The following LMX1B variants were observed in gnomAD, a reference collection of about 807,000 sequenced individuals.
The protein encoded by LMX1B is LIM homeobox transcription factor 1 beta.
A neutral mutation model predicts 51.4 loss-of-function variants in LMX1B; 12 were observed. The ratio of observed to expected loss-of-function variants is 0.23; its 90% confidence interval spans 0.15 to 0.38. The LOEUF (loss-of-function observed/expected upper bound fraction) is 0.38, where lower values mean the gene tolerates loss of function less well. LMX1B is among the 10% of genes least tolerant of loss of function. The probability of loss-of-function intolerance (pLI) is 1.00; values close to 1 mark genes in which losing one functional copy is unlikely to be tolerated. For missense variants in LMX1B, 445 were observed against 571.1 expected, an observed-to-expected ratio of 0.78 and a Z score of 2.25; for synonymous variants, 237 against 235.4, an observed-to-expected ratio of 1.01 and a Z score of -0.06.
intron 6 of LMX1B, among the ~76,000 whole-genome samples, chr9:126,694,910 C>T (rs1038017093): frequency 1.3e-5 from 2 of 152,106 alleles, no homozygotes; most frequent in Non-Finnish European, 2.9e-5. Context: ...CAACCCATGC[C>T]GTATGCTCCA....
chr9:126,672,235 A>G (rs1287828071), intron 2 of LMX1B, among the ~76,000 whole-genome samples: 13 of 152,216 alleles, frequency 8.5e-5, no homozygotes, highest in Non-Finnish European at 1.5e-5. Flanking sequence ...GAATGGGATC[A>G]TGAGTTACAG....
rs146129027 is a variant in LMX1B, at chr9:126,630,649, C to T, written c.326+15080C>T. On this transcript the variant is annotated intron_variant, in intron 2 of 7. Transcript: ENST00000373474. ...TCAGAGAGAGGCTCTGAATCATCAT[C>T]TTCGTCCTCAGTGTTGTCAGCTTTA... 2.0e-3 allele frequency among the ~76,000 whole-genome samples: 309 copies of T among 152,358 alleles called. 2 individuals carry two copies. Among genetic ancestry groups the T allele is most frequent in the African/African-American group, 7.2e-3 (299 of 41,586 alleles).
intron 1 of LMX1B, among the ~76,000 whole-genome samples, chr9:126,614,958 C>T (rs1761221004): frequency 6.6e-6 from 1 of 152,172 alleles, no homozygotes; most frequent in African/African-American, 2.4e-5. Flanking sequence ...AAACGTCTCC[C>T]TGGTCACTCA....
chr9:126,670,731 T>C (rs1427731953), intron 2 of LMX1B, among the ~76,000 whole-genome samples: 1 of 152,204 alleles, frequency 6.6e-6, no homozygotes, highest in Non-Finnish European at 1.5e-5. Context: ...CTCACCCTCT[T>C]GGATAGGTTC....
intron 2 of LMX1B, among the ~76,000 whole-genome samples, chr9:126,664,790 G>A (rs534889241): frequency 7.2e-5 from 11 of 152,296 alleles, no homozygotes; most frequent in African/African-American, 1.4e-4. Context: ...CAGGAGAATC[G>A]CTTGAACCTG....
chr9:126,672,387 A>G (rs929762186), intron 2 of LMX1B, among the ~76,000 whole-genome samples: 5 of 152,250 alleles, frequency 3.3e-5, no homozygotes, highest in Non-Finnish European at 7.3e-5. Flanking sequence ...CACACACTGT[A>G]GAGAGCTGTC....
intron 2 of LMX1B, among the ~76,000 whole-genome samples, chr9:126,631,543 C>G: frequency 6.6e-6 from 1 of 151,684 alleles, no homozygotes. Flanking sequence ...ATCCTGCCCA[C>G]AGAGAGCTCC....
At chr9:126,617,985 G>T (rs1233139957) in intron 2 of LMX1B, among the ~76,000 whole-genome samples, 1 of 151,018 alleles carries the variant, frequency 6.6e-6, no homozygotes, top group East Asian at 1.9e-4. Context: ...ATGGAGCGCC[G>T]CTCCAGGCAG....
chr9:126,669,604 C>T (rs1836412802), intron 2 of LMX1B, among the ~76,000 whole-genome samples: 1 of 152,118 alleles, frequency 6.6e-6, no homozygotes, highest in Admixed American at 6.5e-5. Context: ...TATACCTGGG[C>T]TTTTGTGCTC....
intron 3 of LMX1B, among the ~76,000 whole-genome samples, chr9:126,692,047 G>A (rs1389133823): frequency 6.6e-6 from 1 of 152,226 alleles, no homozygotes; most frequent in Non-Finnish European, 1.5e-5. Context: ...GAGAGGAGGT[G>A]TCCCGGTCTG....
chr9:126,632,155 G>C (rs1835646414), intron 2 of LMX1B, among the ~76,000 whole-genome samples: 1 of 152,216 alleles, frequency 6.6e-6, no homozygotes, highest in Admixed American at 6.5e-5. Flanking sequence ...TCCAGGTTGT[G>C]GGGAGAGCGA....
In LMX1B at chr9:126,695,804, C is replaced by T. The variant is rs2030305039; in HGVS notation, c.887-35C>T. 1 of 1,609,982 alleles carries T rather than the reference C, an allele frequency of 6.2e-7. No homozygotes were observed. The highest frequency in any genetic ancestry group is 8.5e-7 in the Non-Finnish European group (1 of 1,178,310). On this transcript the variant is annotated intron_variant, in intron 6 of 7. Coordinates refer to ENST00000373474, the MANE Select transcript of LMX1B (RefSeq NM_001174147.2). This position sits in a 1 kb window ranked among gnomAD's most constrained non-coding sequence, Gnocchi z 5.2. ...TGGGGTGTAGCTGGGAGGGCGTGGA[C>T]CAGGCCAGGGGGTGAAGGCTCACTG...
chr9:126,674,180 G>A (rs984095843), intron 2 of LMX1B, among the ~76,000 whole-genome samples: 1 of 152,158 alleles, frequency 6.6e-6, no homozygotes, highest in African/African-American at 2.4e-5. Context: ...CCCCGCACCA[G>A]GGAGCCAAGG....
At chr9:126,624,996 A>G (rs987154247) in intron 2 of LMX1B, among the ~76,000 whole-genome samples, 15 of 152,222 alleles carry the variant, frequency 9.9e-5, no homozygotes, top group Admixed American at 8.5e-4. Flanking sequence ...ACAAGTACCT[A>G]GGATGGTGCT....
At chr9:126,646,538 G>A (rs1244798611) in intron 2 of LMX1B, among the ~76,000 whole-genome samples, 1 of 152,184 alleles carries the variant, frequency 6.6e-6, no homozygotes, top group South Asian at 2.1e-4. Flanking sequence ...ACCTGCCCTC[G>A]GGGGCCCACA....
At chr9:126,675,342 G>A (rs1836534774) in intron 2 of LMX1B, among the ~76,000 whole-genome samples, 1 of 152,202 alleles carries the variant, frequency 6.6e-6, no homozygotes, top group African/African-American at 2.4e-5. Flanking sequence ...GGTAGAGGAG[G>A]ATGCAGAGAA....
In LMX1B at chr9:126,696,457, A is replaced by G. The variant is rs767371048; in HGVS notation, c.*6A>G. The stretch of plus-strand genomic sequence containing the variant: ...GTTCCTACTTCGCCTCCTGAGAGCC[A>G]GCCAGGCGCACGGACGCTTGGGCAG... On this transcript the variant is annotated 3_prime_UTR_variant, in exon 8 of 8. Coordinates refer to ENST00000373474, the MANE Select transcript of LMX1B (RefSeq NM_001174147.2). The G allele has an allele frequency of 6.2e-7, 1 of 1,613,712 alleles. No individual in the cohort carries two copies. The highest frequency in any genetic ancestry group is 8.5e-7 in the Non-Finnish European group (1 of 1,179,872).
Position 126,693,477 on chromosome 9 carries a change from G to A in LMX1B, c.742-47G>A, listed in dbSNP as rs372446165. ...ATACCCCTAAACCCACCATCTCCCC[G>A]TTGCTGCCCCTGGAGGGCCTGACCT... On this transcript the variant is annotated intron_variant, in intron 4 of 7. Coordinates refer to ENST00000373474, the MANE Select transcript of LMX1B (RefSeq NM_001174147.2). The A allele has an allele frequency of 6.9e-4, 1,098 of 1,601,288 alleles. 5 individuals carry two copies. The African/African-American group carries it at 0.012, about 17-fold the overall frequency.
At chr9:126,661,898 T>G (rs760010066) in intron 2 of LMX1B, among the ~76,000 whole-genome samples, 1 of 152,144 alleles carries the variant, frequency 6.6e-6, no homozygotes, top group Admixed American at 6.5e-5. Flanking sequence ...ATCAGTCATC[T>G]CCCTACCCTC....
Sources: gnomAD v4.1 joint callset for allele counts (sites outside exome capture counted in the v4.1 genomes callset) on GRCh38, gnomAD v4.1.1 for gene constraint, Gnocchi (gnomAD v3.1) non-coding constraint, MANE v1.5 for transcripts, NCBI Gene and HGNC (gene_info 2026-07-23, HGNC 2026-07-21) for gene names.